TMEM163: variants seen among roughly 807,000 people sequenced by gnomAD.
TMEM163 encodes transmembrane protein 163.
A neutral mutation model predicts 29.3 loss-of-function variants in TMEM163; 17 were observed. The ratio of observed to expected loss-of-function variants is 0.58; its 90% CI spans 0.40 to 0.87. The LOEUF is 0.87. Ranked by LOEUF, TMEM163 falls within the 40% of genes least tolerant of loss-of-function variation. TMEM163 has a pLI of 0.00. For synonymous variants in TMEM163, 157 were observed against 160.6 expected, an observed-to-expected ratio of 0.98 and a Z score of 0.17; for missense variants, 303 against 381.5, an observed-to-expected ratio of 0.79 and a Z score of 1.71.
At chr2:134,700,932 A>AC (rs1221352156) in intron 2 of TMEM163, among the ~76,000 whole-genome samples, 26 of 143,290 alleles carry the variant, frequency 1.8e-4, no homozygotes, top group African/African-American at 6.3e-4. Flanking sequence ...ATAAATAAAT[A>AC]AATAAATAAA....
At chr2:134,502,434 G>T (rs1253350064) in intron 5 of TMEM163, among the ~76,000 whole-genome samples, 1 of 152,218 alleles carries the variant, frequency 6.6e-6, no homozygotes, top group African/African-American at 2.4e-5. Flanking sequence ...ATATGAATTT[G>T]TGTCCTCCAG....
chr2:134,477,291 C>A (rs996821601), intron 5 of TMEM163, among the ~76,000 whole-genome samples: 9 of 152,184 alleles, frequency 5.9e-5, no homozygotes, highest in African/African-American at 2.2e-4. Flanking sequence ...AACTTACAAC[C>A]TAGTTAGAGA....
chr2:134,649,428 A>T (rs1357638752), intron 2 of TMEM163, among the ~76,000 whole-genome samples: 2 of 152,240 alleles, frequency 1.3e-5, no homozygotes, highest in African/African-American at 4.8e-5. Flanking sequence ...TCCCTTTTGC[A>T]AACAATAGTG....
intron 2 of TMEM163, among the ~76,000 whole-genome samples, chr2:134,650,370 C>T (rs911889851): frequency 4.6e-5 from 7 of 151,750 alleles, no homozygotes; most frequent in African/African-American, 1.5e-4. Flanking sequence ...AAGGTTGAAG[C>T]AGCAAGATTA....
chr2:134,569,945 A>C (rs2104783990), intron 2 of TMEM163, among the ~76,000 whole-genome samples: 1 of 152,252 alleles, frequency 6.6e-6, no homozygotes, highest in South Asian at 2.1e-4. Context: ...CAGCAAATCC[A>C]CACCATAGAC....
chr2:134,577,011 A>C (rs147243610), intron 2 of TMEM163, among the ~76,000 whole-genome samples: 144 of 152,242 alleles, frequency 9.5e-4, no homozygotes, highest in African/African-American at 3.4e-3. Context: ...TCTGGCCTGG[A>C]AGCTCCAGGA....
chr2:134,512,340 C>A (rs1679967690), intron 4 of TMEM163, among the ~76,000 whole-genome samples: 1 of 152,052 alleles, frequency 6.6e-6, no homozygotes, highest in Admixed American at 6.6e-5. Flanking sequence ...CATCTGTAGT[C>A]CCAGCTTACT....
intron 2 of TMEM163, among the ~76,000 whole-genome samples, chr2:134,602,969 A>C (rs533223744): frequency 6.6e-6 from 1 of 152,254 alleles, no homozygotes; most frequent in Admixed American, 6.5e-5. Flanking sequence ...CCTATTGGAC[A>C]TATCTGCCTT....
chr2:134,496,614 C>A (rs551538865), intron 5 of TMEM163, among the ~76,000 whole-genome samples: 4 of 152,294 alleles, frequency 2.6e-5, no homozygotes, highest in East Asian at 3.9e-4. Flanking sequence ...GGGAAATGAA[C>A]AACTGAGAGG....
At chr2:134,690,086 A>G (rs572519610) in intron 2 of TMEM163, among the ~76,000 whole-genome samples, 1 of 152,082 alleles carries the variant, frequency 6.6e-6, no homozygotes, top group East Asian at 1.9e-4. Flanking sequence ...ACGCACCACC[A>G]TGCCTGGCTA....
chr2:134,600,612 G>A (rs1682204886), intron 2 of TMEM163, among the ~76,000 whole-genome samples: 1 of 152,146 alleles, frequency 6.6e-6, no homozygotes. Context: ...GAATTGACAG[G>A]TGGAGCCTTT....
chr2:134,649,050 AG>A (rs1683404714), intron 2 of TMEM163, among the ~76,000 whole-genome samples: 1 of 152,244 alleles, frequency 6.6e-6, no homozygotes, highest in African/African-American at 2.4e-5. Context: ...CATAATTCTC[AG>A]ACCTGCGACA....
At chr2:134,601,425 G>A (rs1003651168) in intron 2 of TMEM163, among the ~76,000 whole-genome samples, 3 of 152,202 alleles carry the variant, frequency 2.0e-5, no homozygotes, top group African/African-American at 7.2e-5. Context: ...GTTAATAAGA[G>A]CAGCAGGAGA....
chr2:134,670,245 C>G (rs1683963245), intron 2 of TMEM163, among the ~76,000 whole-genome samples: 1 of 150,176 alleles, frequency 6.7e-6, no homozygotes, highest in East Asian at 1.9e-4. Context: ...GTAAATGGCA[C>G]CTTTAAAAAA....
intron 2 of TMEM163, among the ~76,000 whole-genome samples, chr2:134,640,343 C>G (rs535567650): frequency 6.6e-6 from 1 of 152,210 alleles, no homozygotes; most frequent in South Asian, 2.1e-4. Flanking sequence ...GTAGATAAAA[C>G]TTTACCCATC....
At chr2:134,517,306 GGAGT>G (rs1237810301) in intron 4 of TMEM163, among the ~76,000 whole-genome samples, 2 of 152,162 alleles carry the variant, frequency 1.3e-5, no homozygotes, top group Admixed American at 1.3e-4. Context: ...ACTGCCCAAT[GGAGT>G]ATACATTACC....
intron 5 of TMEM163, among the ~76,000 whole-genome samples, chr2:134,472,354 G>C (rs1686824692): frequency 6.6e-6 from 1 of 152,178 alleles, no homozygotes; most frequent in Non-Finnish European, 1.5e-5. Flanking sequence ...GTGAGAGACA[G>C]TTAAAAATAA....
intron 2 of TMEM163, among the ~76,000 whole-genome samples, chr2:134,669,199 G>A (rs971027470): frequency 1.2e-4 from 18 of 152,310 alleles, no homozygotes; most frequent in South Asian, 4.1e-4. Flanking sequence ...CAGCAAATAC[G>A]AACCCTCTTG....
chr2:134,663,122 A>T (rs1204784796), intron 2 of TMEM163, among the ~76,000 whole-genome samples: 1 of 152,258 alleles, frequency 6.6e-6, no homozygotes, highest in African/African-American at 2.4e-5. Flanking sequence ...AAGAACAAAA[A>T]AAACTTTGCT....
Sources: allele counts gnomAD v4.1 joint callset (sites outside exome capture counted in the v4.1 genomes callset), GRCh38; gene constraint gnomAD v4.1.1; transcripts MANE v1.5; gene names NCBI Gene and HGNC (gene_info 2026-07-23, HGNC 2026-07-21).